Variants in OR5D3 observed in about 807,000 individuals in gnomAD.
The protein encoded by OR5D3 is olfactory receptor family 5 subfamily D member 3, also known as olfactory receptor 5D3.
At chr11:55,723,910 C>A in the OR5D3 span, 1 of 391,398 alleles carries the variant, frequency 2.6e-6, no homozygotes, top group Non-Finnish European at 4.5e-6. Flanking sequence ...TTAAAATCTT[C>A]AAGGAAATAT....
chr11:55,727,527 G>T, the OR5D3 span: 1 of 154,006 alleles, frequency 6.5e-6, no homozygotes, highest in Non-Finnish European at 1.4e-5. Flanking sequence ...GATAAGAGCT[G>T]TTCAGTATAA....
At chr11:55,726,108 C>T in the OR5D3 span, 1 of 397,002 alleles carries the variant, frequency 2.5e-6, no homozygotes, top group Admixed American at 4.4e-5. Context: ...TTCAGCAACA[C>T]TCTTAATAAA....
At chr11:55,725,673 A>G in the OR5D3 span, among the ~76,000 whole-genome samples, 1 of 152,052 alleles carries the variant, frequency 6.6e-6, no homozygotes, top group East Asian at 1.9e-4. Context: ...TTAGTGTAAC[A>G]CAGCTCCAGA....
At chr11:55,724,836 ATTG>A in the OR5D3 span, among the ~76,000 whole-genome samples, 1 of 152,170 alleles carries the variant, frequency 6.6e-6, no homozygotes, top group Admixed American at 6.5e-5. Context: ...TTTATAAATA[ATTG>A]TTTCAGGGAA....
the OR5D3 span, chr11:55,727,329 C>T: frequency 2.7e-6 from 1 of 376,584 alleles, no homozygotes; most frequent in Middle Eastern, 6.9e-4. Flanking sequence ...AATCTCAGAC[C>T]ATTTAAACTA....
At chr11:55,724,453 G>A in the OR5D3 span, among the ~76,000 whole-genome samples, 15 of 152,006 alleles carry the variant, frequency 9.9e-5, no homozygotes, top group African/African-American at 3.6e-4. Flanking sequence ...CAGAGGAGAA[G>A]AAACAATGAG....
At chr11:55,725,340 G>A in the OR5D3 span, among the ~76,000 whole-genome samples, 53 of 152,046 alleles carry the variant, frequency 3.5e-4, no homozygotes, top group African/African-American at 1.2e-3. Flanking sequence ...TTTGAGATGG[G>A]TCTTCCTGAC....
chr11:55,726,664 T>TG, the OR5D3 span: 60 of 399,918 alleles, frequency 1.5e-4, 3 homozygotes, highest in South Asian at 3.4e-3. Context: ...ATCATACTCT[T>TG]GGAGTTTAGT....
the OR5D3 span, chr11:55,727,180 A>T: frequency 2.5e-6 from 1 of 398,382 alleles, no homozygotes; most frequent in Non-Finnish European, 4.4e-6. Flanking sequence ...TTAATTATTT[A>T]TCCTTGAGAG....
the OR5D3 span, chr11:55,729,167 TATA>T: frequency 6.6e-6 from 1 of 152,016 alleles, no homozygotes; most frequent in Non-Finnish European, 1.5e-5. Flanking sequence ...TTTACACAAA[TATA>T]ATGCAATTTC....
At chr11:55,724,073 T>C in the OR5D3 span, 3 of 397,768 alleles carry the variant, frequency 7.5e-6, no homozygotes, top group Non-Finnish European at 4.4e-6. Flanking sequence ...ATTTAGTTTT[T>C]TTAAAATTTT....
chr11:55,724,751 G>A, the OR5D3 span, among the ~76,000 whole-genome samples: 3 of 152,038 alleles, frequency 2.0e-5, no homozygotes, highest in African/African-American at 7.3e-5. Flanking sequence ...TTCTTGCGAT[G>A]TTGCAAAGGA....
chr11:55,725,850 T>C, the OR5D3 span, among the ~76,000 whole-genome samples: 7 of 152,078 alleles, frequency 4.6e-5, no homozygotes, highest in Non-Finnish European at 1.0e-4. Context: ...AATGAAACTG[T>C]AGAAAAGTAT....
At chr11:55,724,334 C>T in the OR5D3 span, among the ~76,000 whole-genome samples, 1 of 151,960 alleles carries the variant, frequency 6.6e-6, no homozygotes, top group Non-Finnish European at 1.5e-5. Context: ...TATCTTTAAA[C>T]TTTCTATACT....
chr11:55,723,915 A>AAAT, the OR5D3 span: 1 of 393,872 alleles, frequency 2.5e-6, no homozygotes, highest in Non-Finnish European at 4.5e-6. Flanking sequence ...ATCTTCAAGG[A>AAAT]AATATACTCT....
the OR5D3 span, chr11:55,728,466 T>A: frequency 3.3e-5 from 5 of 152,054 alleles, no homozygotes; most frequent in Non-Finnish European, 7.4e-5. Context: ...TGGCTCTAAT[T>A]GGTTTTAGAG....
the OR5D3 span, chr11:55,726,688 T>A: frequency 2.5e-6 from 1 of 399,506 alleles, no homozygotes; most frequent in Non-Finnish European, 4.4e-6. Context: ...TTCCTTAACA[T>A]ACACATATTT....
At chr11:55,724,041 G>T in the OR5D3 span, 2 of 397,886 alleles carry the variant, frequency 5.0e-6, no homozygotes, top group Non-Finnish European at 8.9e-6. Flanking sequence ...TCACTCAGAT[G>T]CCTCTGTATT....
chr11:55,727,979 T>G, the OR5D3 span: 1 of 152,038 alleles, frequency 6.6e-6, no homozygotes, highest in Admixed American at 6.6e-5. Flanking sequence ...ATAAAAGAAA[T>G]ATTCATAAAC....
Sources: allele counts gnomAD v4.1 joint callset (sites outside exome capture counted in the v4.1 genomes callset), GRCh38; gene constraint gnomAD v4.1.1; transcripts MANE v1.5; gene names NCBI Gene and HGNC (gene_info 2026-07-23, HGNC 2026-07-21).